Variants in ICE1 observed in about 807,000 individuals in gnomAD.
The protein encoded by ICE1 is interactor of little elongation complex ELL subunit 1, also known as little elongation complex subunit 1.
ICE1 carries 64 observed loss-of-function variants against 192.7 expected under a neutral mutation model. That is an observed-to-expected ratio of 0.33 (90% CI 0.27 to 0.41). ICE1 has a LOEUF of 0.41. Ranked by LOEUF, ICE1 falls within the 10% of genes least tolerant of loss-of-function variation. The probability of loss-of-function intolerance (pLI) is 1.00; values close to 1 mark genes in which losing one functional copy is unlikely to be tolerated. For synonymous variants in ICE1, 1,010 were observed against 984.5 expected, an observed-to-expected ratio of 1.03 and a Z score of -0.49; for missense variants, 2,708 against 2,696.0, an observed-to-expected ratio of 1.00 and a Z score of -0.10.
In ICE1 at chr5:5,464,123, CAAAG is replaced by C; in HGVS notation, c.4792_4795del (p.Arg1598AlafsTer7). The C allele has an allele frequency of 1.9e-6, 3 of 1,613,496 alleles. No homozygotes were observed. The highest frequency in any genetic ancestry group is 2.5e-6 in the Non-Finnish European group (3 of 1,179,866). ...AGGGGAAAAAGCTAATACAAAAACT[CAAAG>C]AAGCCAAACTCAGACCATTTTAGCA... On this transcript the variant is annotated frameshift_variant, in exon 13 of 19. Transcript: ENST00000296564. LOFTEE classifies it high-confidence loss of function. This position sits in a 1 kb window ranked among gnomAD's most constrained non-coding sequence, Gnocchi z 4.0.
Position 5,462,905 on chromosome 5 carries a change from G to A in ICE1, c.3571G>A (p.Asp1191Asn). 6.2e-7 allele frequency: 1 copy of A among 1,608,832 alleles called. No individual in the cohort carries two copies. The highest frequency in any genetic ancestry group is 8.5e-7 in the Non-Finnish European group (1 of 1,177,212). ...TCAGTTAGGGGATTATAGTTCAGGGGACTCTGTTTCTGAATGTTCTAGTAA... is the reference window on the plus strand; with the variant it reads ...TCAGTTAGGGGATTATAGTTCAGGGAACTCTGTTTCTGAATGTTCTAGTAA... ...SCQLGDYSSG[D>N]SVSECSSKGT... The change falls in exon 13 of 19, where the codon GAC becomes AAC. Residue 1191 changes from aspartate (D) to asparagine (N), a missense_variant. Coordinates refer to ENST00000296564, the MANE Select transcript of ICE1 (RefSeq NM_015325.3).
chr5:5,446,283 A>G (rs993364883), intron 7 of ICE1, among the ~76,000 whole-genome samples: 3 of 151,798 alleles, frequency 2.0e-5, no homozygotes, highest in Non-Finnish European at 4.4e-5. Flanking sequence ...GGTGTGAGCC[A>G]CTGTGCCCAG....
At chr5:5,424,947 T>C (rs927884838) in intron 1 of ICE1, among the ~76,000 whole-genome samples, 1 of 152,168 alleles carries the variant, frequency 6.6e-6, no homozygotes, top group African/African-American at 2.4e-5. Context: ...GTTTGGGCGA[T>C]GGAAATGGTG....
At chr5:5,486,970 T>A (rs1032299344) in intron 18 of ICE1, among the ~76,000 whole-genome samples, 151 bp downstream of exon 18, 1 of 152,190 alleles carries the variant, frequency 6.6e-6, no homozygotes, top group African/African-American at 2.4e-5. Flanking sequence ...AGCATTAATA[T>A]TGGAATGTGT....
chr5:5,423,802 A>G (rs937515253), intron 1 of ICE1, among the ~76,000 whole-genome samples: 24 of 152,142 alleles, frequency 1.6e-4, no homozygotes, highest in African/African-American at 5.6e-4. Flanking sequence ...CCAGCACCTC[A>G]TTACCTACTC....
intron 11 of ICE1, among the ~76,000 whole-genome samples, chr5:5,455,054 TCA>T (rs1738545034): frequency 6.6e-6 from 1 of 152,224 alleles, no homozygotes; most frequent in South Asian, 2.1e-4. Flanking sequence ...TCTAGCACAT[TCA>T]CAGTTATAGT....
At chr5:5,484,201 T>C (rs934567799) in intron 17 of ICE1, among the ~76,000 whole-genome samples, 1 of 152,210 alleles carries the variant, frequency 6.6e-6, no homozygotes, top group Non-Finnish European at 1.5e-5. Flanking sequence ...TGAGTCTTTT[T>C]CCCCAAATCA....
intron 1 of ICE1, among the ~76,000 whole-genome samples, chr5:5,431,956 C>T (rs1044568664): frequency 3.3e-5 from 5 of 151,406 alleles, no homozygotes; most frequent in African/African-American, 9.7e-5. Flanking sequence ...CCTTCTTTCT[C>T]GTGTCTGGGT....
chr5:5,488,667 A>G (rs1579586125), intron 18 of ICE1, among the ~76,000 whole-genome samples: 1 of 152,346 alleles, frequency 6.6e-6, no homozygotes, highest in East Asian at 1.9e-4. Context: ...TTTTGAAAGT[A>G]TGGTACGCTA....
chr5:5,447,851 T>C lies in ICE1; in HGVS notation c.558T>C (p.His186=). Residue 186 remains histidine (H), a synonymous_variant, in exon 10 of 19, where the codon CAT becomes CAC. Transcript: ENST00000296564. ...TCCCCATGCTTTTAGAGTTGAGACATATTGGAACACAAATTTCAAGTGATT... is the reference window on the plus strand; with the variant it reads ...TCCCCATGCTTTTAGAGTTGAGACACATTGGAACACAAATTTCAAGTGATT... ...SKQKNEKELR[H]IGTQISSDSY... 6.3e-7 allele frequency: 1 copy of C among 1,579,220 alleles called. No homozygotes were observed. Among genetic ancestry groups the C allele is most frequent in the African/African-American group, 1.3e-5 (1 of 74,438 alleles).
At chr5:5,486,433 CA>C (rs33961473) in intron 17 of ICE1, among the ~76,000 whole-genome samples, 8,640 of 152,236 alleles carry the variant, frequency 0.057, 800 homozygotes, top group African/African-American at 0.2. Context: ...AGTGTCAGAC[CA>C]AAAATACATA....
Position 5,489,052 on chromosome 5 carries a change from A to G in ICE1, c.6620-97A>G, listed in dbSNP as rs966443169. On this transcript the variant is annotated intron_variant, in intron 18 of 18. Coordinates refer to ENST00000296564, the MANE Select transcript of ICE1 (RefSeq NM_015325.3). The stretch of plus-strand genomic sequence containing the variant: ...TTAATTTTCATTGCTGGCAGAAAGC[A>G]TTCTGTATTTGAATAGTATTCCAGT... The G allele has an allele frequency of 4.0e-6, 4 of 995,448 alleles. No individual in the cohort carries two copies. The African/African-American group carries it at 6.6e-5, about 16-fold the overall frequency. The allele number at this position is 995,448 out of a possible 1,614,324, so 61.7% of individuals were successfully genotyped here. A position where few individuals can be genotyped will look rare whatever the true frequency, so the allele number is the denominator to read the frequency against.
intron 1 of ICE1, among the ~76,000 whole-genome samples, chr5:5,426,244 AG>A (rs1488865932): frequency 1.3e-5 from 2 of 152,240 alleles, no homozygotes; most frequent in African/African-American, 4.8e-5. Flanking sequence ...CAGGAGTTCA[AG>A]AACAGCTTGG....
At chr5:5,486,577 G>A in intron 17 of ICE1, 144 bp from the exon 18 acceptor site, 8 of 589,276 alleles carry the variant, frequency 1.4e-5, no homozygotes, top group Non-Finnish European at 2.5e-5. Flanking sequence ...GCAACACATT[G>A]TATATCATCT....
Position 5,473,730 on chromosome 5 carries a change from C to T in ICE1, c.6395C>T (p.Thr2132Met), listed in dbSNP as rs772822951. The T allele has an allele frequency of 1.9e-6, 3 of 1,597,066 alleles. No homozygotes were observed. The highest frequency in any genetic ancestry group is 2.6e-6 in the Non-Finnish European group (3 of 1,174,548). The change falls in exon 16 of 19, where the codon ACG (threonine) becomes ATG (methionine). Residue 2132 changes from threonine (T) to methionine (M), a missense_variant. This residue lies in a region of ICE1 where 342 missense variants were observed against 419.3 expected (regional missense o/e 0.82). Coordinates refer to ENST00000296564, the MANE Select transcript of ICE1 (RefSeq NM_015325.3). ...TGCTGCCATCAGAAATGGATCTGGA[C>T]GCATGATAACATCATAAGGTTAGTT... ...LLCCHQKWIW[T>M]HDNIISKELW...
At chr5:5,473,993 G>A (rs762187453) in intron 16 of ICE1, among the ~76,000 whole-genome samples, 3 of 151,984 alleles carry the variant, frequency 2.0e-5, no homozygotes, top group Non-Finnish European at 2.9e-5. Flanking sequence ...GGCAGATCAC[G>A]AGGTCAGGAG....
At chr5:5,471,716 A>G (rs1320524139) in intron 15 of ICE1, among the ~76,000 whole-genome samples, 1 of 152,204 alleles carries the variant, frequency 6.6e-6, no homozygotes, top group Non-Finnish European at 1.5e-5. Flanking sequence ...CTTATTAAAT[A>G]TGATACTACT....
chr5:5,482,776 A>ACACG (rs1491329910), intron 17 of ICE1, among the ~76,000 whole-genome samples: 1 of 12,738 alleles, frequency 7.9e-5, no homozygotes, highest in Admixed American at 1.2e-3. Context: ...CCACCCCCCA[A>ACACG]CACACACACA....
intron 17 of ICE1, among the ~76,000 whole-genome samples, chr5:5,480,833 CAA>C (rs1382488528): frequency 3.3e-5 from 5 of 152,152 alleles, no homozygotes; most frequent in South Asian, 2.1e-4. Context: ...AGTTACCAAA[CAA>C]GAGTGTAGGA....
Sources: gnomAD v4.1 joint callset for allele counts (sites outside exome capture counted in the v4.1 genomes callset) on GRCh38, gnomAD v4.1.1 for gene constraint, gnomAD v4.1.1 regional missense constraint, Gnocchi (gnomAD v3.1) non-coding constraint, MANE v1.5 for transcripts, NCBI Gene and HGNC (gene_info 2026-07-23, HGNC 2026-07-21) for gene names.